The following FOXP1 variants were observed in gnomAD, a reference collection of about 807,000 sequenced individuals.
The protein encoded by FOXP1 is forkhead box protein P1.
In FOXP1, 15 loss-of-function variants were observed where a neutral mutation model predicts 98.2. The ratio of observed to expected loss-of-function variants is 0.15; its 90% CI spans 0.10 to 0.24. The LOEUF (loss-of-function observed/expected upper bound fraction) is 0.24. Among genes scored for constraint, FOXP1 ranks in the 10% least tolerant of loss-of-function variants. FOXP1 has a pLI of 1.00. For missense variants in FOXP1, 633 were observed against 848.5 expected (o/e 0.75, Z 3.15); for synonymous variants, 371 against 314.5 (o/e 1.18, Z -1.90).
intron 5 of FOXP1, among the ~76,000 whole-genome samples, chr3:71,227,957 C>T (rs1165026198): frequency 2.9e-5 from 4 of 136,468 alleles, no homozygotes; most frequent in South Asian, 2.2e-4. Flanking sequence ...ATGCAGCTCC[C>T]GATCTTCCAG....
At chr3:71,558,801 A>G (rs914483843) in intron 2 of FOXP1, among the ~76,000 whole-genome samples, 1 of 82,946 alleles carries the variant, frequency 1.2e-5, no homozygotes, top group African/African-American at 5.0e-5. Context: ...GCCGATTCTC[A>G]CTTTTTTTTT....
intron 3 of FOXP1, among the ~76,000 whole-genome samples, chr3:71,424,365 G>A (rs977647810): frequency 2.0e-5 from 3 of 152,144 alleles, no homozygotes; most frequent in Admixed American, 6.5e-5. Flanking sequence ...TGGGTAGGGC[G>A]CCTTCCCTAT....
At chr3:71,141,266 C>CAAAAA (rs71621921) in intron 6 of FOXP1, among the ~76,000 whole-genome samples, 2 of 71,848 alleles carry the variant, frequency 2.8e-5, no homozygotes, top group East Asian at 4.0e-4. Context: ...GACTCTGTCT[C>CAAAAA]AAAAAAAAAA....
chr3:71,324,193 T>C (rs1199981357), intron 4 of FOXP1, among the ~76,000 whole-genome samples: 1 of 152,168 alleles, frequency 6.6e-6, no homozygotes, highest in African/African-American at 2.4e-5. Flanking sequence ...AATTTAGCCA[T>C]TAAAGACACA....
intron 3 of FOXP1, among the ~76,000 whole-genome samples, chr3:71,467,654 C>A (rs1212411708): frequency 6.6e-6 from 1 of 152,164 alleles, no homozygotes; most frequent in East Asian, 1.9e-4. Flanking sequence ...TAATTGGTCA[C>A]CATGGCAACA....
chr3:71,213,568 G>A (rs62245553), intron 5 of FOXP1, among the ~76,000 whole-genome samples: 10,356 of 152,302 alleles, frequency 0.068, 609 homozygotes, highest in East Asian at 0.31. Context: ...TGTAATCCCA[G>A]CACTTTTGAG....
At chr3:71,389,105 A>T (rs1469644766) in intron 3 of FOXP1, among the ~76,000 whole-genome samples, 1 of 152,034 alleles carries the variant, frequency 6.6e-6, no homozygotes, top group Non-Finnish European at 1.5e-5. Context: ...ATAGGACAAA[A>T]ATATTACATA....
intron 3 of FOXP1, among the ~76,000 whole-genome samples, chr3:71,404,762 T>C (rs1472183051): frequency 6.6e-6 from 1 of 152,176 alleles, no homozygotes; most frequent in East Asian, 1.9e-4. Context: ...ATGAGAAGAA[T>C]ACCATTTTAC....
intron 5 of FOXP1, among the ~76,000 whole-genome samples, chr3:71,293,010 T>A (rs1220075663): frequency 6.6e-6 from 1 of 152,242 alleles, no homozygotes; most frequent in African/African-American, 2.4e-5. Flanking sequence ...AAATAAGGAT[T>A]CTGTCATCAG....
In FOXP1 at chr3:70,958,208, AAG is replaced by A; in HGVS notation, c.*1037_*1038del. On this transcript the variant is annotated 3_prime_UTR_variant, in exon 21 of 21. Transcript: ENST00000649528. ...TTAATGGTTGCTGCAAAAAAAAAAA[AAG>A]AAAAGAAAAGAAAAAAAGAAAATCC... 1.3e-5 allele frequency: 6 copies of A among 446,280 alleles called. No individual in the cohort carries two copies. The highest frequency in any genetic ancestry group is 2.1e-5 in the South Asian group (1 of 47,818). The allele number at this position is 446,280 out of a possible 1,614,324, so 27.6% of individuals were successfully genotyped here.
At chr3:70,973,373 T>C (rs977626649) in intron 17 of FOXP1, among the ~76,000 whole-genome samples, 5 of 152,140 alleles carry the variant, frequency 3.3e-5, no homozygotes, top group Non-Finnish European at 5.9e-5. Flanking sequence ...CGAGTGGAAC[T>C]CTCAATGGCA....
At chr3:71,465,630 T>C (rs988328156) in intron 3 of FOXP1, among the ~76,000 whole-genome samples, 1 of 152,172 alleles carries the variant, frequency 6.6e-6, no homozygotes. Context: ...GGTCCGTGCT[T>C]GGTTTCACTC....
At chr3:71,404,120 CTTTTTTTTTTTTTTTT>C (rs869086663) in intron 3 of FOXP1, among the ~76,000 whole-genome samples, 2 of 62,712 alleles carry the variant, frequency 3.2e-5, no homozygotes, top group East Asian at 9.9e-4. Context: ...TTTTCTTTTT[CTTTTTTTTTTTTTTTT>C]TTTTTTTTGA....
chr3:71,260,184 C>G (rs1247976769), intron 5 of FOXP1, among the ~76,000 whole-genome samples: 1 of 152,108 alleles, frequency 6.6e-6, no homozygotes, highest in Admixed American at 6.5e-5. Flanking sequence ...GGGGTTTCAC[C>G]GTGTTAGCCA....
chr3:71,555,108 G>C (rs540918256), intron 2 of FOXP1, among the ~76,000 whole-genome samples: 1 of 152,162 alleles, frequency 6.6e-6, no homozygotes, highest in Non-Finnish European at 1.5e-5. Flanking sequence ...AAATATTTGT[G>C]AGTTTACAGT....
At chr3:71,107,880 A>G (rs1262954465) in intron 7 of FOXP1, among the ~76,000 whole-genome samples, 2 of 152,210 alleles carry the variant, frequency 1.3e-5, no homozygotes. Flanking sequence ...ATGCTAAAAA[A>G]ACACCTGCTG....
chr3:71,540,837 A>G (rs535492709), intron 2 of FOXP1, among the ~76,000 whole-genome samples: 9 of 152,356 alleles, frequency 5.9e-5, no homozygotes, highest in African/African-American at 2.2e-4. Context: ...GTGCCCTAAT[A>G]TGGTGGTGAA....
chr3:71,210,031 G>A (rs2064334569), intron 5 of FOXP1, among the ~76,000 whole-genome samples: 1 of 152,046 alleles, frequency 6.6e-6, no homozygotes, highest in Non-Finnish European at 1.5e-5. Context: ...AGCAAAATAT[G>A]GAAATGAGAA....
At chr3:71,091,129 G>GTGTGTGTGTATGTA (rs3064142) in intron 7 of FOXP1, among the ~76,000 whole-genome samples, 2 of 122,290 alleles carry the variant, frequency 1.6e-5, no homozygotes, top group East Asian at 5.4e-4. Flanking sequence ...GTGTGTGTGT[G>GTGTGTGTGTATGTA]TGTATTCTTA....
Sources: allele counts gnomAD v4.1 joint callset (sites outside exome capture counted in the v4.1 genomes callset), GRCh38; gene constraint gnomAD v4.1.1; transcripts MANE v1.5; gene names NCBI Gene and HGNC (gene_info 2026-07-23, HGNC 2026-07-21).